Variants in LRRC3B observed in about 807,000 individuals in gnomAD.
LRRC3B encodes leucine rich repeat containing 3B, also known as leucine-rich repeat-containing protein 3B.
Under a neutral mutation model 12.8 loss-of-function variants are expected in LRRC3B, and 2 were observed. That is an observed-to-expected ratio of 0.16 (90% CI 0.06 to 0.49). LRRC3B has a LOEUF of 0.49. Among genes scored for constraint, LRRC3B ranks in the 20% least tolerant of loss-of-function variants. The pLI is 0.96. For missense variants in LRRC3B, 189 were observed against 319.4 expected, an observed-to-expected ratio of 0.59 and a Z score of 3.11; for synonymous variants, 132 against 122.0, an observed-to-expected ratio of 1.08 and a Z score of -0.54.
intron 1 of LRRC3B, among the ~76,000 whole-genome samples, chr3:26,677,062 A>G (rs1328005709): frequency 2.0e-5 from 3 of 152,178 alleles, no homozygotes; most frequent in Non-Finnish European, 2.9e-5. Flanking sequence ...TTCTTATTCT[A>G]GCTCCATCAG....
chr3:26,696,382 A>G (rs145645451), intron 1 of LRRC3B, among the ~76,000 whole-genome samples: 168 of 152,338 alleles, frequency 1.1e-3, no homozygotes, highest in African/African-American at 3.9e-3. Flanking sequence ...AATAGCCTAC[A>G]GGGGCTAATC....
intron 1 of LRRC3B, among the ~76,000 whole-genome samples, chr3:26,691,274 A>G (rs575555882): frequency 6.8e-4 from 104 of 151,918 alleles, no homozygotes; most frequent in African/African-American, 2.4e-3. Flanking sequence ...GACAAATTAT[A>G]TGAAGGTTAG....
intron 1 of LRRC3B, among the ~76,000 whole-genome samples, chr3:26,671,400 A>AGAGAGAGAGAGAGAGAGAGAGAGAGG (rs1205520032): frequency 3.2e-5 from 4 of 126,940 alleles, no homozygotes; most frequent in African/African-American, 9.3e-5. Context: ...AGAGAGAGAG[A>AGAGAGAGAGAGAGAGAGAGAGAGAGG]GAGAGAGAGA....
At chr3:26,702,856 C>T (rs1298131321) in intron 1 of LRRC3B, among the ~76,000 whole-genome samples, 2 of 152,000 alleles carry the variant, frequency 1.3e-5, no homozygotes, top group Non-Finnish European at 2.9e-5. Flanking sequence ...TTCAAGAAAT[C>T]GGGAGGGAAG....
chr3:26,696,321 TA>T (rs1272949235), intron 1 of LRRC3B, among the ~76,000 whole-genome samples: 2 of 152,252 alleles, frequency 1.3e-5, no homozygotes, highest in Non-Finnish European at 2.9e-5. Context: ...TGCATTTTTT[TA>T]TTTTTTAAAG....
chr3:26,653,657 C>T (rs1699310854), intron 1 of LRRC3B, among the ~76,000 whole-genome samples: 1 of 152,012 alleles, frequency 6.6e-6, no homozygotes. Flanking sequence ...TTTGAGAACT[C>T]TTGATCATGC....
chr3:26,667,392 G>A (rs1467235354), intron 1 of LRRC3B, among the ~76,000 whole-genome samples: 2 of 152,070 alleles, frequency 1.3e-5, no homozygotes, highest in Non-Finnish European at 2.9e-5. Context: ...AAAAAAAATT[G>A]GCCTGCATTT....
intron 1 of LRRC3B, among the ~76,000 whole-genome samples, chr3:26,659,090 A>G (rs927147631): frequency 2.6e-5 from 4 of 152,216 alleles, no homozygotes; most frequent in Admixed American, 2.6e-4. Flanking sequence ...GGAAGTAAAT[A>G]TGTATGTGTA....
At chr3:26,648,557 A>T (rs1366113839) in intron 1 of LRRC3B, among the ~76,000 whole-genome samples, 1 of 152,114 alleles carries the variant, frequency 6.6e-6, no homozygotes, top group Admixed American at 6.5e-5. Flanking sequence ...CATTTTTCTT[A>T]AAGTATCAAT....
intron 1 of LRRC3B, among the ~76,000 whole-genome samples, chr3:26,667,437 T>C (rs1486768834): frequency 6.6e-6 from 1 of 152,186 alleles, no homozygotes; most frequent in East Asian, 1.9e-4. Context: ...TTTATTCTTT[T>C]CTCACCTAGC....
intron 1 of LRRC3B, among the ~76,000 whole-genome samples, chr3:26,629,040 C>A (rs1698693758): frequency 6.6e-6 from 1 of 151,930 alleles, no homozygotes. Flanking sequence ...GCTTTAGGTG[C>A]CTTTTATTAG....
intron 1 of LRRC3B, among the ~76,000 whole-genome samples, chr3:26,671,251 G>A (rs1227981184): frequency 2.8e-5 from 4 of 145,158 alleles, no homozygotes; most frequent in Non-Finnish European, 3.0e-5. Flanking sequence ...TCCTGACCTC[G>A]TGATCCGCCC....
chr3:26,637,839 G>C (rs1039756262), intron 1 of LRRC3B, among the ~76,000 whole-genome samples: 2 of 152,160 alleles, frequency 1.3e-5, no homozygotes, highest in Non-Finnish European at 2.9e-5. Context: ...ATCACCCAAT[G>C]TGTCATCAAT....
chr3:26,685,932 T>C (rs1028843633), intron 1 of LRRC3B, among the ~76,000 whole-genome samples: 5 of 152,096 alleles, frequency 3.3e-5, no homozygotes, highest in Non-Finnish European at 7.4e-5. Context: ...TCTCTAAGAT[T>C]CTATTGGCAG....
intron 1 of LRRC3B, among the ~76,000 whole-genome samples, chr3:26,708,403 C>CTGTG (rs1437247680): frequency 1.3e-5 from 2 of 152,132 alleles, no homozygotes; most frequent in African/African-American, 4.8e-5. Flanking sequence ...GTAGATGAGA[C>CTGTG]TGGAAGAGAG....
chr3:26,668,187 T>G (rs1699648161), intron 1 of LRRC3B, among the ~76,000 whole-genome samples: 1 of 152,302 alleles, frequency 6.6e-6, no homozygotes, highest in African/African-American at 2.4e-5. Context: ...CGAGCCCTGT[T>G]GAAACAATCA....
At chr3:26,699,437 T>G (rs1700399677) in intron 1 of LRRC3B, among the ~76,000 whole-genome samples, 1 of 152,140 alleles carries the variant, frequency 6.6e-6, no homozygotes, top group African/African-American at 2.4e-5. Context: ...TGTGCTAAAT[T>G]CCTGAAATTC....
chr3:26,636,920 T>TTCTCTCTC (rs1376957919), intron 1 of LRRC3B, among the ~76,000 whole-genome samples: 1 of 46,172 alleles, frequency 2.2e-5, no homozygotes. Context: ...CTTTCTCTCT[T>TTCTCTCTC]TCTTTCTTTC....
At chr3:26,666,676 A>G (rs867107639) in intron 1 of LRRC3B, among the ~76,000 whole-genome samples, 1 of 152,190 alleles carries the variant, frequency 6.6e-6, no homozygotes, top group Non-Finnish European at 1.5e-5. Flanking sequence ...ATTTGCCACA[A>G]TTAAGACTCC....
Sources: allele counts gnomAD v4.1 joint callset (sites outside exome capture counted in the v4.1 genomes callset), GRCh38; gene constraint gnomAD v4.1.1; transcripts MANE v1.5; gene names NCBI Gene and HGNC (gene_info 2026-07-23, HGNC 2026-07-21).